The following VPS36 variants were observed in gnomAD, a reference collection of about 807,000 sequenced individuals.
The protein encoded by VPS36 is vacuolar protein-sorting-associated protein 36.
A neutral mutation model predicts 63.5 loss-of-function variants in VPS36; 31 were observed. The observed-to-expected ratio is 0.49, with a 90% CI of 0.37 to 0.66. The LOEUF is 0.66. Ranked by LOEUF, VPS36 falls within the 30% of genes least tolerant of loss-of-function variation. The pLI is 0.00. For synonymous variants in VPS36, 138 were observed against 157.2 expected (o/e 0.88, Z 0.91); for missense variants, 338 against 463.7 (o/e 0.73, Z 2.49).
chr13:52,446,014 G>A (rs549474399), intron 1 of VPS36, among the ~76,000 whole-genome samples: 5 of 149,984 alleles, frequency 3.3e-5, no homozygotes, highest in East Asian at 2.0e-4. Flanking sequence ...ACTTTGGGAG[G>A]CCGAGGCAGG....
At chr13:52,419,261 G>C (rs1224707417) in intron 10 of VPS36, among the ~76,000 whole-genome samples, 1 of 152,230 alleles carries the variant, frequency 6.6e-6, no homozygotes, top group African/African-American at 2.4e-5. Flanking sequence ...GAAGGAGGAA[G>C]AACAGCTGAA....
At chr13:52,440,850 G>C (rs1257832137) in intron 2 of VPS36, among the ~76,000 whole-genome samples, 1 of 152,058 alleles carries the variant, frequency 6.6e-6, no homozygotes, top group Non-Finnish European at 1.5e-5. Context: ...TGTGTATCAG[G>C]GACCAGTTTC....
chr13:52,441,907 T>C (rs1421631571), intron 2 of VPS36, among the ~76,000 whole-genome samples: 3 of 152,134 alleles, frequency 2.0e-5, no homozygotes, highest in Admixed American at 2.0e-4. Context: ...TACCAGCTCT[T>C]TGTAAAGACT....
At chr13:52,429,414 C>G (rs1958134019) in intron 6 of VPS36, 1 of 487,178 alleles carries the variant, frequency 2.1e-6, no homozygotes, top group Non-Finnish European at 2.7e-6. Flanking sequence ...ATTCCTGCTG[C>G]TAGCAAGCCC....
In VPS36 at chr13:52,413,604, A is replaced by T. The variant is rs41292810; in HGVS notation, c.*2226T>A. On this transcript the variant is annotated 3_prime_UTR_variant, in exon 14 of 14. Transcript: ENST00000378060. ...GTCTTCACTAACACAATGTAAAAAA[A>T]TTTTTTGACAGTAAATGACCAGAAA... is the stretch of plus-strand genomic sequence containing the variant. The T allele has an allele frequency of 0.045, 6,901 of 152,456 alleles. 170 individuals are homozygous for T. Among genetic ancestry groups the T allele is most frequent in the South Asian group, 0.084 (406 of 4,824 alleles). 9.4% of individuals were successfully genotyped at this position (152,456 alleles called of 1,614,324 possible). A position where few individuals can be genotyped will look rare whatever the true frequency, so the allele number is the denominator to read the frequency against.
In VPS36 at chr13:52,436,323, G is replaced by C; in HGVS notation, c.318C>G (p.Ile106Met). Residue 106 changes from isoleucine to methionine, a missense_variant, in exon 4 of 14, where the codon ATC becomes ATG. Ile to Met is a conservative substitution (Grantham distance 10, BLOSUM62 1). Transcript: ENST00000378060. Reference protein sequence around the residue: ...GPFQSSKNSYIKLSFKEHGQI... With the variant: ...GPFQSSKNSYMKLSFKEHGQI... ...GGCCATGTTCTTTGAAGGAGAGTTT[G>C]ATGTAGGAGTTCTTACTACTCTGGA... is the stretch of plus-strand genomic sequence containing the variant. 6.2e-7 allele frequency: 1 copy of C among 1,612,784 alleles called. No homozygotes were observed. Among genetic ancestry groups the C allele is most frequent in the Middle Eastern group, 1.6e-4 (1 of 6,062 alleles).
At chr13:52,434,057 T>C (rs1283930513) in intron 5 of VPS36, among the ~76,000 whole-genome samples, 2 of 152,240 alleles carry the variant, frequency 1.3e-5, no homozygotes, top group Non-Finnish European at 2.9e-5. Flanking sequence ...AGATACTTAA[T>C]AGGGTCTCAA....
chr13:52,423,808 G>C (rs1010033123), intron 9 of VPS36, among the ~76,000 whole-genome samples, 169 bp from the exon 10 acceptor site: 8 of 152,214 alleles, frequency 5.3e-5, no homozygotes, highest in African/African-American at 1.9e-4. Flanking sequence ...CCACAAGGCA[G>C]TTTAGATTCA....
intron 11 of VPS36, 96 bp from the exon 12 acceptor site, chr13:52,417,237 A>G: frequency 1.0e-6 from 1 of 980,574 alleles, no homozygotes; most frequent in Non-Finnish European, 1.6e-6. Context: ...TTATGCCCAG[A>G]TATGAGGGCA....
At chr13:52,432,101 C>T (rs985742400) in intron 6 of VPS36, among the ~76,000 whole-genome samples, 4 of 152,086 alleles carry the variant, frequency 2.6e-5, no homozygotes, top group Non-Finnish European at 5.9e-5. Flanking sequence ...GCCTGTAATC[C>T]CATCACTTTG....
In VPS36 at chr13:52,414,908, C is replaced by A. The variant is rs1957979790; in HGVS notation, c.*922G>T. On this transcript the variant is annotated 3_prime_UTR_variant, in exon 14 of 14. Coordinates refer to ENST00000378060, the MANE Select transcript of VPS36 (RefSeq NM_016075.4). ...TTACCGAAGTAGTTTTTCCACACAA[C>A]TTACAACATAAAGGACAAAGAAAAA... The A allele has an allele frequency of 6.6e-6, 1 of 152,140 alleles. No individual in the cohort carries two copies. The highest frequency in any genetic ancestry group is 6.5e-5 in the Admixed American group (1 of 15,268). The allele number at this position is 152,140 out of a possible 1,614,324, so 9.4% of individuals were successfully genotyped here.
rs764378198 is a variant in VPS36, at chr13:52,425,913, A to G, written c.774+19T>C. 12 of 1,596,768 alleles carry G rather than the reference A, an allele frequency of 7.5e-6. No homozygotes were observed. In the African/African-American group the frequency reaches 1.5e-4, roughly 20 times the overall value. On this transcript the variant is annotated intron_variant, in intron 9 of 13. Transcript: ENST00000378060. Reference sequence around the variant, plus strand: ...AATTTAACACAGTTTAAAAAAAAACACATAGGTTTAGTTTTTACCTCTAAA... The same window carrying G: ...AATTTAACACAGTTTAAAAAAAAACGCATAGGTTTAGTTTTTACCTCTAAA...
chr13:52,426,164 A>G, intron 8 of VPS36, 98 bp from the exon 9 acceptor site: 1 of 1,441,208 alleles, frequency 6.9e-7, no homozygotes, highest in Non-Finnish European at 9.4e-7. Context: ...ATGTCTACAT[A>G]TCCCCATTCC....
chr13:52,417,562 G>A (rs1433503571), intron 11 of VPS36, among the ~76,000 whole-genome samples: 1 of 152,158 alleles, frequency 6.6e-6, no homozygotes, highest in Non-Finnish European at 1.5e-5. Context: ...GTTTCTCCAT[G>A]TTGGTCAGGT....
intron 1 of VPS36, among the ~76,000 whole-genome samples, chr13:52,445,455 C>A (rs1374682136): frequency 2.0e-5 from 3 of 149,280 alleles, no homozygotes; most frequent in Non-Finnish European, 4.5e-5. Context: ...CTGACTAACA[C>A]GGTGAAACCC....
chr13:52,431,788 A>AAAGAAACCAG (rs1430918358), intron 6 of VPS36, among the ~76,000 whole-genome samples: 23 of 149,294 alleles, frequency 1.5e-4, no homozygotes, highest in Non-Finnish European at 3.0e-4. Flanking sequence ...AAAAAGAAAG[A>AAAGAAACCAG]AAGAAACCAG....
chr13:52,440,240 A>G lies in VPS36; in HGVS notation c.166-1072T>C, dbSNP rs76194114. Among the ~76,000 whole-genome samples, 1,043 of 152,166 alleles carry G rather than the reference A, an allele frequency of 6.9e-3. 18 individuals carry two copies. Among genetic ancestry groups the G allele is most frequent in the African/African-American group, 0.024 (998 of 41,508 alleles). On this transcript the variant is annotated intron_variant, in intron 2 of 13. Transcript: ENST00000378060. ...GTGACCCCCCTGCCTCGGCCTCCCAAAGTACTGGGATTTACAGGCATGAGC... is the reference window on the plus strand; with the variant it reads ...GTGACCCCCCTGCCTCGGCCTCCCAGAGTACTGGGATTTACAGGCATGAGC...
At chr13:52,437,326 ACTT>A (rs1347499389) in intron 3 of VPS36, among the ~76,000 whole-genome samples, 1 of 152,158 alleles carries the variant, frequency 6.6e-6, no homozygotes, top group Non-Finnish European at 1.5e-5. Flanking sequence ...CTTGTGGTAA[ACTT>A]CTTTAAGTGA....
chr13:52,423,709 AT>A (rs1383211795), intron 9 of VPS36, 70 bp from the exon 10 acceptor site: 1 of 1,377,906 alleles, frequency 7.3e-7, no homozygotes, highest in East Asian at 2.3e-5. Context: ...CTTAACAGAA[AT>A]CATAATCACA....
Sources: allele counts gnomAD v4.1 joint callset (sites outside exome capture counted in the v4.1 genomes callset), GRCh38; gene constraint gnomAD v4.1.1; transcripts MANE v1.5; gene names NCBI Gene and HGNC (gene_info 2026-07-23, HGNC 2026-07-21).